The following KRT80 variants were observed in gnomAD, a reference collection of about 807,000 sequenced individuals.
KRT80 encodes keratin 80.
Under a neutral mutation model 51.5 loss-of-function variants are expected in KRT80, and 36 were observed. That is an observed-to-expected ratio of 0.70 (90% CI 0.54 to 0.92). The LOEUF is 0.92. Among genes scored for constraint, KRT80 ranks in the 40% least tolerant of loss-of-function variants. The probability of loss-of-function intolerance (pLI) is 0.00; values close to 1 mark genes in which losing one functional copy is unlikely to be tolerated. For synonymous variants in KRT80, 235 were observed against 248.3 expected, an observed-to-expected ratio of 0.95 and a Z score of 0.50; for missense variants, 566 against 591.7, an observed-to-expected ratio of 0.96 and a Z score of 0.45.
At chr12:52,173,278 C>T in intron 5 of KRT80, 115 bp from the exon 6 acceptor site, 3 of 1,318,276 alleles carry the variant, frequency 2.3e-6, no homozygotes, top group Non-Finnish European at 3.0e-6. Flanking sequence ...TGCAGCCCAC[C>T]ACGCCACGCC....
At chr12:52,185,275 G>T in intron 2 of KRT80, 104 bp downstream of exon 2, 1 of 1,118,214 alleles carries the variant, frequency 8.9e-7, no homozygotes, top group Non-Finnish European at 1.3e-6. Context: ...AAGAAATGTT[G>T]CAGAACATCT....
chr12:52,177,658 T>C lies in KRT80; in HGVS notation c.666+2855A>G, dbSNP rs1433774642. On this transcript the variant is annotated intron_variant, in intron 4 of 8. Coordinates refer to ENST00000394815, the MANE Select transcript of KRT80 (RefSeq NM_182507.3). ...GGCTGTGTGTGTGTGTGTGTGTGTG[T>C]GTGTGTGCATGTGTGTGTATGTACA... 4.3e-3 allele frequency among the ~76,000 whole-genome samples: 653 copies of C among 150,786 alleles called. 15 individuals are homozygous for C. The highest frequency in any genetic ancestry group is 0.041 in the Admixed American group (624 of 15,206).
intron 1 of KRT80, 46 bp from the exon 2 acceptor site, chr12:52,185,633 G>A (rs766190959): frequency 5.6e-5 from 89 of 1,582,480 alleles, no homozygotes; most frequent in South Asian, 1.1e-4. Flanking sequence ...TGGACCAGTC[G>A]GGGGCTGAGG....
At position 52,171,709 on chromosome 12, in the gene KRT80, C is replaced by T. The variant is rs764644847; in HGVS notation, c.1183G>A (p.Asp395Asn). The T allele has an allele frequency of 9.0e-5, 136 of 1,512,734 alleles. No individual in the cohort carries two copies. Among genetic ancestry groups the T allele is most frequent in the Middle Eastern group, 3.4e-4 (2 of 5,904 alleles). The allele number at this position is 1,512,734 out of a possible 1,614,324, so 93.7% of individuals were successfully genotyped here. ...CTGACCACAGTGGCTGAGGGCGAGT[C>T]CATCCTGGGGGTGGGGGACGGGGGG... ...KLVEGEEGRM[D>N]SPSATVVSAV... Residue 395 changes from aspartate (D) to asparagine (N), a missense_variant, in exon 8 of 9, where the codon GAC (aspartate) becomes AAC (asparagine). Transcript: ENST00000394815.
At chr12:52,189,189 C>T (rs79718073) in intron 1 of KRT80, among the ~76,000 whole-genome samples, 1,549 of 152,100 alleles carry the variant, frequency 0.01, 28 homozygotes, top group African/African-American at 0.036. Context: ...CTGGTCATGG[C>T]GTCTCACCCC....
intron 1 of KRT80, among the ~76,000 whole-genome samples, chr12:52,186,139 C>T (rs1168613006): frequency 1.3e-5 from 2 of 151,914 alleles, no homozygotes; most frequent in African/African-American, 4.8e-5. Context: ...TCCTTCCCTC[C>T]ACCCTGTCCA....
At chr12:52,186,747 C>T (rs1406228738) in intron 1 of KRT80, among the ~76,000 whole-genome samples, 2 of 152,154 alleles carry the variant, frequency 1.3e-5, no homozygotes, top group Non-Finnish European at 2.9e-5. Flanking sequence ...AGGTGAAACC[C>T]TGGGAGGGCT....
intron 1 of KRT80, chr12:52,185,847 G>T: frequency 1.7e-6 from 1 of 605,934 alleles, no homozygotes; most frequent in Non-Finnish European, 2.8e-6. Flanking sequence ...AGGGCTGGCA[G>T]AGGAAGGGGG....
At position 52,171,164 on chromosome 12, in the gene KRT80, G is replaced by A. The variant is rs1941089738; in HGVS notation, c.*234C>T. On this transcript the variant is annotated 3_prime_UTR_variant, in exon 9 of 9. Transcript: ENST00000394815. ...AGGAAAACCTCTGGCCAGAAGGTTGGAAGGATGGGACTGTGAGATACTGAT... is the reference window on the plus strand; with the variant it reads ...AGGAAAACCTCTGGCCAGAAGGTTGAAAGGATGGGACTGTGAGATACTGAT... 1 of 404,836 alleles carries A rather than the reference G, an allele frequency of 2.5e-6. No individual in the cohort carries two copies. Among genetic ancestry groups the A allele is most frequent in the East Asian group, 4.2e-5 (1 of 23,638 alleles). The allele number at this position is 404,836 out of a possible 1,614,324, so 25.1% of individuals were successfully genotyped here. A position where few individuals can be genotyped will look rare whatever the true frequency, so the allele number is the denominator to read the frequency against.
At chr12:52,183,608 A>G (rs979907852) in intron 2 of KRT80, among the ~76,000 whole-genome samples, 12 of 152,362 alleles carry the variant, frequency 7.9e-5, no homozygotes, top group African/African-American at 2.9e-4. Flanking sequence ...CAGCCTAAGC[A>G]GTAGAGTCAG....
intron 1 of KRT80, among the ~76,000 whole-genome samples, chr12:52,186,201 C>T (rs1396128351): frequency 6.6e-6 from 1 of 152,064 alleles, no homozygotes; most frequent in Non-Finnish European, 1.5e-5. Context: ...TGCCTGTCCT[C>T]TCTATTCTCC....
At chr12:52,176,482 C>CTTT (rs11355892) in intron 4 of KRT80, among the ~76,000 whole-genome samples, 2 of 140,622 alleles carry the variant, frequency 1.4e-5, no homozygotes, top group Non-Finnish European at 3.1e-5. Flanking sequence ...TCTTCTTCTT[C>CTTT]TTTTTTTTTT....
intron 1 of KRT80, among the ~76,000 whole-genome samples, chr12:52,187,577 C>T (rs1592366910): frequency 6.6e-6 from 1 of 152,214 alleles, no homozygotes. Context: ...CAGCAGACAA[C>T]GCCAGCAGGA....
In KRT80 at chr12:52,191,639, C is replaced by G; in HGVS notation, c.264G>C (p.Lys88Asn). The change falls in exon 1 of 9, where the codon AAG becomes AAC. Residue 88 changes from lysine (K) to asparagine (N), a missense_variant. By Grantham distance (94) the Lys-to-Asn change is moderately conservative. Transcript: ENST00000394815. ...QLKNQEKEEM[K>N]ALNDKFASLI... Reference sequence around the variant, plus strand: ...GGGAGGCAAATTTATCATTGAGGGCCTTCATCTCCTCCTTCTCCTGGTTCT... The same window carrying G: ...GGGAGGCAAATTTATCATTGAGGGCGTTCATCTCCTCCTTCTCCTGGTTCT... 1 of 1,605,374 alleles carries G rather than the reference C, an allele frequency of 6.2e-7. No individual in the cohort carries two copies. Among genetic ancestry groups the G allele is most frequent in the Non-Finnish European group, 8.5e-7 (1 of 1,174,022 alleles).
chr12:52,189,279 C>T (rs1168257609), intron 1 of KRT80, among the ~76,000 whole-genome samples: 6 of 152,220 alleles, frequency 3.9e-5, no homozygotes, highest in South Asian at 2.1e-4. Context: ...CTCCTCTATC[C>T]GGCAGGGAGC....
chr12:52,169,791 A>T lies in KRT80; in HGVS notation c.*1607T>A, dbSNP rs1941053147. ...AATGAAGAGCCTGAGGAAAAGCACC[A>T]ATCAGCACCCTCTTTTGGGACTTTG... On this transcript the variant is annotated 3_prime_UTR_variant, in exon 9 of 9. Transcript: ENST00000394815. 1 of 152,280 alleles carries T rather than the reference A, an allele frequency of 6.6e-6. No homozygotes were observed. 9.4% of individuals were successfully genotyped at this position (152,280 alleles called of 1,614,324 possible).
rs1329938898 is a variant in KRT80, at chr12:52,170,459, G to T, written c.*939C>A. The stretch of plus-strand genomic sequence containing the variant: ...GTGGGCCTGGGGCTTCACGGCAGGG[G>T]TGGGACCAGGGGTCTCCAAGGCCTG... On this transcript the variant is annotated 3_prime_UTR_variant, in exon 9 of 9. Transcript: ENST00000394815. 6.6e-6 allele frequency: 1 copy of T among 152,404 alleles called. No individual in the cohort carries two copies. The highest frequency in any genetic ancestry group is 2.4e-5 in the African/African-American group (1 of 41,460). The allele number at this position is 152,404 out of a possible 1,614,324, so 9.4% of individuals were successfully genotyped here. A position where few individuals can be genotyped will look rare whatever the true frequency, so the allele number is the denominator to read the frequency against.
Position 52,170,786 on chromosome 12 carries a change from C to G in KRT80, c.*612G>C, listed in dbSNP as rs1229405463. 1 of 152,870 alleles carries G rather than the reference C, an allele frequency of 6.5e-6. No homozygotes were observed. Among genetic ancestry groups the G allele is most frequent in the African/African-American group, 2.4e-5 (1 of 41,438 alleles). 9.5% of individuals were successfully genotyped at this position (152,870 alleles called of 1,614,324 possible). On this transcript the variant is annotated 3_prime_UTR_variant, in exon 9 of 9. Coordinates refer to ENST00000394815, the MANE Select transcript of KRT80 (RefSeq NM_182507.3). ...TTCGGGCTGATCTCTGGGGCCTAGG[C>G]TTAGGTCCCAAATAGCCAGGGCCCC...
chr12:52,191,887 A>C lies in KRT80; in HGVS notation c.16T>G (p.Cys6Gly). ...CTGAGGCTGCTGAAGCCAACCACGC[A>C]GGAGCGGCAGGCCATGGTGCCCCCG... The part of the protein sequence containing the change: MACRS[C>G]VVGFSSLSSC... Residue 6 changes from cysteine to glycine, a missense_variant, in exon 1 of 9, where the codon TGC becomes GGC. Physicochemically the swap from Cys to Gly is radical, Grantham distance 159. Coordinates refer to ENST00000394815, the MANE Select transcript of KRT80 (RefSeq NM_182507.3). 2.0e-6 allele frequency: 3 copies of C among 1,486,584 alleles called. No individual in the cohort carries two copies. The highest frequency in any genetic ancestry group is 2.7e-6 in the Non-Finnish European group (3 of 1,114,598). The allele number at this position is 1,486,584 out of a possible 1,614,324, so 92.1% of individuals were successfully genotyped here. A position where few individuals can be genotyped will look rare whatever the true frequency, so the allele number is the denominator to read the frequency against.
Sources: gnomAD v4.1 joint callset for allele counts (sites outside exome capture counted in the v4.1 genomes callset) on GRCh38, gnomAD v4.1.1 for gene constraint, MANE v1.5 for transcripts, NCBI Gene and HGNC (gene_info 2026-07-23, HGNC 2026-07-21) for gene names.